Variants in BMI1 observed in about 807,000 individuals in gnomAD.
The protein encoded by BMI1 is polycomb complex protein BMI-1.
A neutral mutation model predicts 39.1 loss-of-function variants in BMI1; 9 were observed. The observed-to-expected ratio is 0.23, with a 90% confidence interval of 0.14 to 0.40. The LOEUF is 0.40. Ranked by LOEUF, BMI1 falls within the 10% of genes least tolerant of loss-of-function variation. The pLI is 1.00. For missense variants in BMI1, 252 were observed against 390.8 expected (o/e 0.64, Z 2.99); for synonymous variants, 131 against 127.9 (o/e 1.02, Z -0.16).
At position 22,331,246 on chromosome 10, in the gene BMI1, A is replaced by G. The variant is rs1294898185; in HGVS notation, c.*1704A>G. The G allele has an allele frequency of 6.6e-6, 1 of 152,494 alleles. No homozygotes were observed. The highest frequency in any genetic ancestry group is 1.5e-5 in the Non-Finnish European group (1 of 67,990). 9.4% of individuals were successfully genotyped at this position (152,494 alleles called of 1,614,324 possible). On this transcript the variant is annotated 3_prime_UTR_variant, in exon 10 of 10. Coordinates refer to ENST00000376663, the MANE Select transcript of BMI1 (RefSeq NM_005180.9). ...TTGGAAAAAATCCAATAAAAAGGATATTCATTTAGAAAATAGCTAAGATCT... is the reference window on the plus strand; with the variant it reads ...TTGGAAAAAATCCAATAAAAAGGATGTTCATTTAGAAAATAGCTAAGATCT...
downstream of BMI1, chr10:22,331,582 A>T (rs1319754151): frequency 1.3e-5 from 2 of 152,186 alleles, no homozygotes; most frequent in Non-Finnish European, 2.9e-5. Context: ...TTTACCTTGG[A>T]TGATCATTTG....
At position 22,321,645 on chromosome 10, in the gene BMI1, T is replaced by C. The variant is rs1013794903; in HGVS notation, c.-71T>C. ...TTTTCTGCTGAACGACTTTTAACTT[T>C]CATTGTCTTTTCCGCCCGCTTCGAT... On this transcript the variant is annotated 5_prime_UTR_variant, in exon 1 of 10. Transcript: ENST00000376663. 4 of 152,176 alleles carry C rather than the reference T, an allele frequency of 2.6e-5. No homozygotes were observed. Among genetic ancestry groups the C allele is most frequent in the African/African-American group, 9.7e-5 (4 of 41,340 alleles). 9.4% of individuals were successfully genotyped at this position (152,176 alleles called of 1,614,324 possible).
In BMI1 at chr10:22,330,473, T is replaced by C. The variant is rs1836259007; in HGVS notation, c.*931T>C. The C allele has an allele frequency of 2.0e-5, 3 of 152,390 alleles. No individual in the cohort carries two copies. In the South Asian group the frequency reaches 6.2e-4, roughly 31 times the overall value. The allele number at this position is 152,390 out of a possible 1,614,324, so 9.4% of individuals were successfully genotyped here. A position where few individuals can be genotyped will look rare whatever the true frequency, so the allele number is the denominator to read the frequency against. On this transcript the variant is annotated 3_prime_UTR_variant, in exon 10 of 10. Coordinates refer to ENST00000376663, the MANE Select transcript of BMI1 (RefSeq NM_005180.9). ...GCAATTGGCACATCTTTCTATACTT[T>C]ATATACTTTTCTCCAGTAATACATG... is the stretch of plus-strand genomic sequence containing the variant.
intron 1 of BMI1, among the ~76,000 whole-genome samples, chr10:22,323,406 A>G (rs1034694832): frequency 6.6e-6 from 1 of 152,358 alleles, no homozygotes; most frequent in African/African-American, 2.4e-5. Context: ...GTATGCATGT[A>G]TACACATAAA....
intron 6 of BMI1, 21 bp downstream of exon 6, chr10:22,328,079 A>G (rs1025128001): frequency 2.5e-6 from 4 of 1,595,270 alleles, no homozygotes; most frequent in Non-Finnish European, 3.4e-6. Flanking sequence ...TAGGCAATTT[A>G]TTTTATGCTA....
intron 8 of BMI1, among the ~76,000 whole-genome samples, 158 bp downstream of exon 8, chr10:22,328,856 T>C (rs1836221214): frequency 1.3e-5 from 2 of 152,190 alleles, no homozygotes; most frequent in Admixed American, 1.3e-4. Context: ...TACATTCTCT[T>C]TTATGCTATG....
intron 1 of BMI1, chr10:22,325,629 G>A (rs1340084848): frequency 1.1e-5 from 1 of 92,336 alleles, no homozygotes; most frequent in Non-Finnish European, 2.2e-5. Context: ...CCCCTCCCCC[G>A]CCCGCCCGCC....
intron 1 of BMI1, among the ~76,000 whole-genome samples, chr10:22,323,138 A>G (rs945360179): frequency 6.6e-6 from 1 of 152,252 alleles, no homozygotes; most frequent in African/African-American, 2.4e-5. Context: ...TATAAGCTAC[A>G]CTAAACAGTT....
intron 3 of BMI1, among the ~76,000 whole-genome samples, chr10:22,327,306 C>T (rs907606718): frequency 1.3e-5 from 2 of 152,116 alleles, no homozygotes; most frequent in Admixed American, 6.5e-5. Context: ...TTCCATTCCT[C>T]TTTATTCCCT....
rs1836255637 is a variant in BMI1, at chr10:22,330,268, GTATGA to G, written c.*730_*734del. 6.6e-6 allele frequency: 1 copy of G among 152,388 alleles called. No homozygotes were observed. Among genetic ancestry groups the G allele is most frequent in the Admixed American group, 6.6e-5 (1 of 15,206 alleles). 9.4% of individuals were successfully genotyped at this position (152,388 alleles called of 1,614,324 possible). ...ATATGACATAACAGGAAACAGTATT[GTATGA>G]TATATTTATAAATGCTATAAAGAAA... is the stretch of plus-strand genomic sequence containing the variant. On this transcript the variant is annotated 3_prime_UTR_variant, in exon 10 of 10. Coordinates refer to ENST00000376663, the MANE Select transcript of BMI1 (RefSeq NM_005180.9).
In BMI1 at chr10:22,328,713, ATTC is replaced by A. The variant is rs755117228; in HGVS notation, c.570+21_570+23del. The stretch of plus-strand genomic sequence containing the variant: ...ATACTTTCCAGGTATCTACTTTTAT[ATTC>A]TTCTTGCATTTTACATAGATTTTAC... On this transcript the variant is annotated intron_variant, in intron 8 of 9. Transcript: ENST00000376663. 3.9e-6 allele frequency: 6 copies of A among 1,552,122 alleles called. No individual in the cohort carries two copies. The Admixed American group carries it at 1.3e-4, about 33-fold the overall frequency.
chr10:22,327,227 GAGTT>G (rs1301904263), intron 3 of BMI1, among the ~76,000 whole-genome samples: 4 of 152,092 alleles, frequency 2.6e-5, no homozygotes, highest in South Asian at 2.1e-4. Context: ...TTTAAAAACT[GAGTT>G]AGTTCACCTT....
Position 22,326,930 on chromosome 10 carries a change from G to A in BMI1, c.153G>A (p.Lys51=), listed in dbSNP as rs773212962. The A allele has an allele frequency of 1.1e-5, 17 of 1,614,042 alleles. No individual in the cohort carries two copies. Among genetic ancestry groups the A allele is most frequent in the South Asian group, 4.4e-5 (4 of 91,076 alleles). ...TTGTTCGTTACCTGGAGACCAGCAA[G>A]TATTGTCCTATTTGTGATGTCCAAG... ...TCIVRYLETS[K]YCPICDVQVH... The change falls in exon 3 of 10, where the codon AAG becomes AAA. Residue 51 remains lysine, a synonymous_variant. Coordinates refer to ENST00000376663, the MANE Select transcript of BMI1 (RefSeq NM_005180.9).
At chr10:22,324,105 A>C (rs376895425) in intron 1 of BMI1, among the ~76,000 whole-genome samples, 17 of 152,270 alleles carry the variant, frequency 1.1e-4, no homozygotes, top group African/African-American at 4.1e-4. Flanking sequence ...CCGGTAGATA[A>C]CCCTCCACTG....
intron 5 of BMI1, 28 bp downstream of exon 5, chr10:22,327,820 T>G: frequency 6.8e-6 from 11 of 1,612,904 alleles, no homozygotes; most frequent in Non-Finnish European, 9.3e-6. Context: ...GGGAAGACAT[T>G]TTATATGGGG....
chr10:22,328,544 ACTTT>A (rs757083100), intron 7 of BMI1, 52 bp from the exon 8 acceptor site: 16 of 1,541,932 alleles, frequency 1.0e-5, no homozygotes, highest in African/African-American at 1.4e-5. Flanking sequence ...TCAAATTGAA[ACTTT>A]CTTCATATCT....
Position 22,329,550 on chromosome 10 carries a change from G to C in BMI1, c.*8G>C. 1 of 1,607,948 alleles carries C rather than the reference G, an allele frequency of 6.2e-7. No homozygotes were observed. Among genetic ancestry groups the C allele is most frequent in the Non-Finnish European group, 8.5e-7 (1 of 1,176,848 alleles). ...GCAACTTCTTCTGGTTGATACCTGAGACTGTTAAGGAAAAAAATTTTAAAC... is the reference window on the plus strand; with the variant it reads ...GCAACTTCTTCTGGTTGATACCTGACACTGTTAAGGAAAAAAATTTTAAAC... On this transcript the variant is annotated 3_prime_UTR_variant, in exon 10 of 10. Transcript: ENST00000376663.
chr10:22,329,644 A>C lies in BMI1; in HGVS notation c.*102A>C. The C allele has an allele frequency of 1.4e-6, 2 of 1,383,662 alleles. No homozygotes were observed. Among genetic ancestry groups the C allele is most frequent in the Non-Finnish European group, 1.9e-6 (2 of 1,034,766 alleles). 85.7% of individuals were successfully genotyped at this position (1,383,662 alleles called of 1,614,324 possible). ...ATGCTAATACATGTGACTATCGTCC[A>C]ATTTGCTTTCTTTTGTAGTGACATT... On this transcript the variant is annotated 3_prime_UTR_variant, in exon 10 of 10. Coordinates refer to ENST00000376663, the MANE Select transcript of BMI1 (RefSeq NM_005180.9).
Position 22,329,590 on chromosome 10 carries a change from G to A in BMI1, c.*48G>A. On this transcript the variant is annotated 3_prime_UTR_variant, in exon 10 of 10. Coordinates refer to ENST00000376663, the MANE Select transcript of BMI1 (RefSeq NM_005180.9). ...AAATTTTAAACCCCTGATTTATATA[G>A]ATATCTTCATGCCATTACAGCTTTC... 1 of 1,574,702 alleles carries A rather than the reference G, an allele frequency of 6.4e-7. No individual in the cohort carries two copies. Among genetic ancestry groups the A allele is most frequent in the South Asian group, 1.2e-5 (1 of 85,236 alleles).
Sources: gnomAD v4.1 joint callset for allele counts (sites outside exome capture counted in the v4.1 genomes callset) on GRCh38, gnomAD v4.1.1 for gene constraint, MANE v1.5 for transcripts, NCBI Gene and HGNC (gene_info 2026-07-23, HGNC 2026-07-21) for gene names.